VWC2L: variants seen among roughly 807,000 people sequenced by gnomAD.
VWC2L encodes the protein von Willebrand factor C domain-containing protein 2-like.
A neutral mutation model predicts 21.6 loss-of-function variants in VWC2L; 10 were observed. The observed-to-expected ratio is 0.46, with a 90% CI of 0.29 to 0.78. The LOEUF is 0.78. Ranked by LOEUF, VWC2L falls within the 30% of genes least tolerant of loss-of-function variation. The pLI, the probability that VWC2L is intolerant of heterozygous loss-of-function variation, is 0.10. For missense variants in VWC2L, 209 were observed against 277.1 expected (o/e 0.75, Z 1.74); for synonymous variants, 96 against 94.3 (o/e 1.02, Z -0.10).
At chr2:214,432,686 A>G (rs1702617685) in intron 2 of VWC2L, among the ~76,000 whole-genome samples, 1 of 152,196 alleles carries the variant, frequency 6.6e-6, no homozygotes. Context: ...CCCCTTTCTA[A>G]TCTAGGGCCA....
intron 3 of VWC2L, among the ~76,000 whole-genome samples, chr2:214,571,338 C>T (rs1690146298): frequency 6.6e-6 from 1 of 152,116 alleles, no homozygotes; most frequent in Admixed American, 6.6e-5. Context: ...TACTTTTTAT[C>T]TGTGAGGTTC....
At chr2:214,432,309 G>A (rs1702611791) in intron 2 of VWC2L, among the ~76,000 whole-genome samples, 1 of 152,148 alleles carries the variant, frequency 6.6e-6, no homozygotes, top group Non-Finnish European at 1.5e-5. Context: ...ATGAGGACAG[G>A]AGCAAATTTA....
chr2:214,528,924 T>A (rs1191467704), intron 3 of VWC2L, among the ~76,000 whole-genome samples: 1 of 152,216 alleles, frequency 6.6e-6, no homozygotes, highest in African/African-American at 2.4e-5. Context: ...TAAATCCTAT[T>A]TCACTTCCAC....
At chr2:214,543,386 A>G (rs1689657811) in intron 3 of VWC2L, among the ~76,000 whole-genome samples, 1 of 152,228 alleles carries the variant, frequency 6.6e-6, no homozygotes, top group Non-Finnish European at 1.5e-5. Context: ...ATTCAACTGG[A>G]TAGGAATTAT....
intron 2 of VWC2L, among the ~76,000 whole-genome samples, chr2:214,421,914 C>CG (rs1702447927): frequency 3.8e-5 from 1 of 26,564 alleles, no homozygotes; most frequent in Non-Finnish European, 6.2e-5. Flanking sequence ...TTTTTTGAGA[C>CG]GGAGTTTCGC....
Position 214,564,279 on chromosome 2 carries a change from A to C in VWC2L, c.521-11393A>C, listed in dbSNP as rs1488145273. On this transcript the variant is annotated intron_variant, in intron 3 of 3. Transcript: ENST00000312504. ...TATAGATTCAATGCTATACCCATTA[A>C]ACAACCATTAACATGCTTCACAGAA... 9.2e-5 allele frequency among the ~76,000 whole-genome samples: 14 copies of C among 152,236 alleles called. 1 individual carries two copies. Among genetic ancestry groups the C allele is most frequent in the Admixed American group, 9.2e-4 (14 of 15,284 alleles).
At chr2:214,532,542 T>C (rs1458278804) in intron 3 of VWC2L, among the ~76,000 whole-genome samples, 5 of 152,162 alleles carry the variant, frequency 3.3e-5, no homozygotes, top group Non-Finnish European at 7.4e-5. Flanking sequence ...ACATTCACTT[T>C]CCATTTTTTG....
At chr2:214,561,841 T>C (rs563576405) in intron 3 of VWC2L, among the ~76,000 whole-genome samples, 1 of 145,680 alleles carries the variant, frequency 6.9e-6, no homozygotes, top group African/African-American at 2.6e-5. Flanking sequence ...TATATATAAT[T>C]TTTCATATAA....
chr2:214,465,017 T>TCTC (rs1703195214), intron 3 of VWC2L, among the ~76,000 whole-genome samples: 1 of 151,756 alleles, frequency 6.6e-6, no homozygotes, highest in Non-Finnish European at 1.5e-5. Flanking sequence ...CAGGCCTAGG[T>TCTC]CTCTCCTTTC....
At chr2:214,553,386 C>T (rs1689825206) in intron 3 of VWC2L, among the ~76,000 whole-genome samples, 1 of 152,170 alleles carries the variant, frequency 6.6e-6, no homozygotes. Flanking sequence ...CGTTAATCAA[C>T]ACATGTAAGA....
At chr2:214,548,748 TA>T in intron 3 of VWC2L, among the ~76,000 whole-genome samples, 1 of 152,196 alleles carries the variant, frequency 6.6e-6, no homozygotes, top group Non-Finnish European at 1.5e-5. Flanking sequence ...AGATTCTTTT[TA>T]AGAGCACTAA....
chr2:214,578,134 T>G lies in VWC2L; in HGVS notation c.*2314T>G, dbSNP rs148334753. 97 of 152,208 alleles carry G rather than the reference T, an allele frequency of 6.4e-4. 1 individual carries two copies. The highest frequency in any genetic ancestry group is 3.4e-3 in the Middle Eastern group (1 of 294). 9.4% of individuals were successfully genotyped at this position (152,208 alleles called of 1,614,324 possible). A position where few individuals can be genotyped will look rare whatever the true frequency, so the allele number is the denominator to read the frequency against. ...AAAAATCCACACTCTTGGAAAGAAA[T>G]AATAATAATAAATGACAGGAATAAG... On this transcript the variant is annotated 3_prime_UTR_variant, in exon 4 of 4. Coordinates refer to ENST00000312504, the MANE Select transcript of VWC2L (RefSeq NM_001080500.4).
chr2:214,445,420 T>C (rs1457624958), intron 3 of VWC2L, among the ~76,000 whole-genome samples: 1 of 151,698 alleles, frequency 6.6e-6, no homozygotes, highest in Non-Finnish European at 1.5e-5. Context: ...TTAAGTAATA[T>C]TATAGAAAAA....
intron 3 of VWC2L, among the ~76,000 whole-genome samples, chr2:214,478,626 G>C (rs951224303): frequency 6.6e-6 from 1 of 152,110 alleles, no homozygotes; most frequent in Non-Finnish European, 1.5e-5. Flanking sequence ...CTACCACACT[G>C]CAGCTTCCAT....
At chr2:214,422,455 A>G (rs1702457006) in intron 2 of VWC2L, among the ~76,000 whole-genome samples, 1 of 152,180 alleles carries the variant, frequency 6.6e-6, no homozygotes, top group South Asian at 2.1e-4. Context: ...CTTAATTTAT[A>G]CATCAGGCAC....
intron 3 of VWC2L, among the ~76,000 whole-genome samples, chr2:214,437,694 T>G (rs1053273802): frequency 6.6e-6 from 1 of 152,154 alleles, no homozygotes; most frequent in Non-Finnish European, 1.5e-5. Flanking sequence ...TTGCTCTGAA[T>G]TTGGAGCTCA....
chr2:214,500,866 C>T (rs1402475254), intron 3 of VWC2L, among the ~76,000 whole-genome samples: 1 of 152,132 alleles, frequency 6.6e-6, no homozygotes, highest in Non-Finnish European at 1.5e-5. Flanking sequence ...AATTATTTGT[C>T]CTCTCTAGGT....
intron 3 of VWC2L, among the ~76,000 whole-genome samples, chr2:214,519,211 C>T (rs935028996): frequency 5.3e-5 from 8 of 152,174 alleles, no homozygotes; most frequent in South Asian, 2.1e-4. Context: ...AGAACCTGTT[C>T]TTCCATTTAG....
At chr2:214,450,262 G>A (rs749026197) in intron 3 of VWC2L, among the ~76,000 whole-genome samples, 8 of 152,146 alleles carry the variant, frequency 5.3e-5, no homozygotes, top group Non-Finnish European at 8.8e-5. Flanking sequence ...TTGAATTCTT[G>A]TACTTACAGT....
Sources: gnomAD v4.1 joint callset for allele counts (sites outside exome capture counted in the v4.1 genomes callset) on GRCh38, gnomAD v4.1.1 for gene constraint, MANE v1.5 for transcripts, NCBI Gene and HGNC (gene_info 2026-07-23, HGNC 2026-07-21) for gene names.